Variants in TBC1D14 observed in about 807,000 individuals in gnomAD.
TBC1D14 encodes TBC1 domain family member 14.
A neutral mutation model predicts 79.0 loss-of-function variants in TBC1D14; 26 were observed. The observed-to-expected ratio is 0.33, with a 90% CI of 0.24 to 0.46. The LOEUF (loss-of-function observed/expected upper bound fraction) is 0.46. Among genes scored for constraint, TBC1D14 ranks in the 20% least tolerant of loss-of-function variants. The probability of loss-of-function intolerance (pLI) is 1.00; values close to 1 mark genes in which losing one functional copy is unlikely to be tolerated. For missense variants in TBC1D14, 769 were observed against 887.6 expected, an observed-to-expected ratio of 0.87 and a Z score of 1.70; for synonymous variants, 394 against 349.9, an observed-to-expected ratio of 1.13 and a Z score of -1.40.
chr4:7,030,228 G>A, intron 13 of TBC1D14, 99 bp from the exon 14 acceptor site: 1 of 1,145,372 alleles, frequency 8.7e-7, no homozygotes, highest in Middle Eastern at 2.0e-4. Flanking sequence ...TGGGGAGCCG[G>A]GGGACCCTGT....
At chr4:7,021,277 C>T (rs1721807630) in intron 12 of TBC1D14, among the ~76,000 whole-genome samples, 1 of 152,204 alleles carries the variant, frequency 6.6e-6, no homozygotes, top group Admixed American at 6.5e-5. Context: ...AGCTGAGAGA[C>T]ACGTCATTTG....
rs185773164 is a variant in TBC1D14, at chr4:6,948,128, T to G, written c.723-19176T>G. ...GAGCTGAGTTAGCATGTATTGAAAT[T>G]TTATGTAAAGGAGAGCAAAGCCTGC... On this transcript the variant is annotated intron_variant, in intron 2 of 13. Transcript: ENST00000409757. Among the ~76,000 whole-genome samples, 612 of 152,158 alleles carry G rather than the reference T, an allele frequency of 4.0e-3. 5 individuals carry two copies. Among genetic ancestry groups the G allele is most frequent in the African/African-American group, 0.013 (548 of 41,494 alleles).
At chr4:7,007,511 T>G in intron 9 of TBC1D14, 1 of 1,287,758 alleles carries the variant, frequency 7.8e-7, no homozygotes, top group Non-Finnish European at 1.0e-6. Flanking sequence ...CTGTTCTCAC[T>G]GCCTTTACTC....
At chr4:6,918,929 T>C (rs1723611499) in intron 1 of TBC1D14, among the ~76,000 whole-genome samples, 1 of 152,178 alleles carries the variant, frequency 6.6e-6, no homozygotes. Context: ...AGAATTCTGT[T>C]AGAAACTTGG....
chr4:6,938,706 G>A (rs796494022), intron 2 of TBC1D14, among the ~76,000 whole-genome samples: 5 of 152,342 alleles, frequency 3.3e-5, no homozygotes, highest in African/African-American at 1.2e-4. Flanking sequence ...CTCCATGAGA[G>A]GACCAGCCTT....
chr4:6,968,011 C>G (rs1715857670), intron 3 of TBC1D14, among the ~76,000 whole-genome samples: 1 of 152,218 alleles, frequency 6.6e-6, no homozygotes, highest in Admixed American at 6.5e-5. Flanking sequence ...TGCACGGACA[C>G]AGCAAGTCCA....
At chr4:6,963,466 C>T (rs924377291) in intron 2 of TBC1D14, among the ~76,000 whole-genome samples, 6 of 152,234 alleles carry the variant, frequency 3.9e-5, no homozygotes, top group East Asian at 1.9e-4. Context: ...TGCCCAGGCT[C>T]GCTCCTGCCC....
intron 1 of TBC1D14, among the ~76,000 whole-genome samples, chr4:6,918,555 T>C (rs1314003861): frequency 6.6e-6 from 1 of 152,220 alleles, no homozygotes; most frequent in African/African-American, 2.4e-5. Flanking sequence ...TATAGGGTAT[T>C]GTCCCATCTT....
chr4:6,959,785 C>G (rs1287087905), intron 2 of TBC1D14, among the ~76,000 whole-genome samples: 1 of 152,190 alleles, frequency 6.6e-6, no homozygotes, highest in Non-Finnish European at 1.5e-5. Flanking sequence ...TGGCCTTTTG[C>G]TTGCTGTCAC....
intron 2 of TBC1D14, chr4:6,954,443 G>T (rs767903048): frequency 2.8e-6 from 2 of 713,552 alleles, no homozygotes; most frequent in Non-Finnish European, 5.2e-6. Flanking sequence ...CGTCGGCCTT[G>T]GTTGGGCTGA....
intron 2 of TBC1D14, among the ~76,000 whole-genome samples, chr4:6,961,919 T>C (rs1448522552): frequency 6.6e-6 from 1 of 152,300 alleles, no homozygotes; most frequent in Non-Finnish European, 1.5e-5. Context: ...CACATACGAC[T>C]CCTGTTTCTG....
intron 10 of TBC1D14, 138 bp from the exon 11 acceptor site, chr4:7,010,515 T>G: frequency 1.9e-6 from 2 of 1,036,924 alleles, no homozygotes; most frequent in Non-Finnish European, 2.7e-6. Flanking sequence ...CAGTTCAGCG[T>G]TGGGTGGCCG....
chr4:6,926,527 G>A (rs1227671513), intron 2 of TBC1D14, among the ~76,000 whole-genome samples: 1 of 152,182 alleles, frequency 6.6e-6, no homozygotes, highest in Non-Finnish European at 1.5e-5. Flanking sequence ...TGTGATGGCT[G>A]TGACATTGTT....
At chr4:6,976,680 G>C (rs956859376) in intron 3 of TBC1D14, among the ~76,000 whole-genome samples, 1 of 152,210 alleles carries the variant, frequency 6.6e-6, no homozygotes, top group African/African-American at 2.4e-5. Context: ...AGAAGGGCCT[G>C]TATGCTAGGA....
chr4:7,008,708 G>A (rs1187228013), intron 9 of TBC1D14, among the ~76,000 whole-genome samples: 1 of 152,240 alleles, frequency 6.6e-6, no homozygotes, highest in Non-Finnish European at 1.5e-5. Flanking sequence ...ACTGCGCCCA[G>A]CCGCATCATT....
At chr4:7,021,218 C>G (rs924671121) in intron 12 of TBC1D14, among the ~76,000 whole-genome samples, 1 of 152,230 alleles carries the variant, frequency 6.6e-6, no homozygotes, top group Non-Finnish European at 1.5e-5. Context: ...TCCTCCCTCA[C>G]GTATCACGGG....
At chr4:6,967,721 T>C (rs1715825982) in intron 3 of TBC1D14, among the ~76,000 whole-genome samples, 1 of 152,252 alleles carries the variant, frequency 6.6e-6, no homozygotes, top group African/African-American at 2.4e-5. Context: ...TAATCAGTTT[T>C]AGTAATAGTT....
intron 2 of TBC1D14, among the ~76,000 whole-genome samples, chr4:6,961,029 T>G (rs1020250603): frequency 6.6e-6 from 1 of 152,192 alleles, no homozygotes; most frequent in African/African-American, 2.4e-5. Flanking sequence ...GGTCTGGCAC[T>G]CGACACTGGA....
At chr4:6,993,157 G>C (rs1718677918) in intron 3 of TBC1D14, among the ~76,000 whole-genome samples, 1 of 152,118 alleles carries the variant, frequency 6.6e-6, no homozygotes, top group African/African-American at 2.4e-5. Flanking sequence ...TGAAATCTTA[G>C]GTTAACACTA....
Sources: allele counts gnomAD v4.1 joint callset (sites outside exome capture counted in the v4.1 genomes callset), GRCh38; gene constraint gnomAD v4.1.1; transcripts MANE v1.5; gene names NCBI Gene and HGNC (gene_info 2026-07-23, HGNC 2026-07-21).